Variants in MCC observed in about 807,000 individuals in gnomAD.
MCC encodes MCC regulator of Wnt signaling pathway.
Under a neutral mutation model 116.2 loss-of-function variants are expected in MCC, and 90 were observed. That is an observed-to-expected ratio of 0.77 (90% confidence interval 0.65 to 0.92). MCC has a LOEUF of 0.92. Among genes scored for constraint, MCC ranks in the 40% least tolerant of loss-of-function variants. MCC has a pLI of 0.00. For synonymous variants in MCC, 578 were observed against 510.5 expected (o/e 1.13, Z -1.78); for missense variants, 1,516 against 1,312.2 (o/e 1.16, Z -2.40).
At chr5:113,287,050 T>C (rs939760243) in intron 3 of MCC, among the ~76,000 whole-genome samples, 1 of 152,130 alleles carries the variant, frequency 6.6e-6, no homozygotes, top group Non-Finnish European at 1.5e-5. Flanking sequence ...GAGTGAAAGA[T>C]ATCACTGTTG....
At chr5:113,257,720 T>G (rs549381425) in intron 3 of MCC, among the ~76,000 whole-genome samples, 3 of 152,006 alleles carry the variant, frequency 2.0e-5, no homozygotes, top group Non-Finnish European at 4.4e-5. Context: ...GTGTGGGTGC[T>G]GGGATGTGGG....
chr5:113,149,114 T>C lies in MCC; in HGVS notation c.741+2195A>G, dbSNP rs7719597. ...AATTAAATGCATTCACAATTTTCTT[T>C]TTTAAAACAAATTCTCATCAATAAG... On this transcript the variant is annotated intron_variant, in intron 4 of 18. Transcript: ENST00000408903. 7.2e-3 allele frequency among the ~76,000 whole-genome samples: 1,099 copies of C among 152,326 alleles called. 18 individuals carry two copies. The highest frequency in any genetic ancestry group is 0.025 in the African/African-American group (1,049 of 41,578).
At chr5:113,445,561 G>A (rs745863475) in intron 1 of MCC, among the ~76,000 whole-genome samples, 18 of 151,976 alleles carry the variant, frequency 1.2e-4, no homozygotes, top group Non-Finnish European at 2.4e-4. Flanking sequence ...TCTCTACAAG[G>A]AGCACTATAA....
At chr5:113,471,528 GGA>G (rs1772090155) in intron 1 of MCC, among the ~76,000 whole-genome samples, 1 of 152,002 alleles carries the variant, frequency 6.6e-6, no homozygotes, top group African/African-American at 2.4e-5. Flanking sequence ...TCGTTCCTCT[GGA>G]AGTTTTGTCT....
intron 3 of MCC, among the ~76,000 whole-genome samples, chr5:113,237,856 A>C (rs983666354): frequency 6.6e-6 from 1 of 152,244 alleles, no homozygotes. Context: ...ACTGAAAAAC[A>C]ATCAGAGTCA....
intron 1 of MCC, among the ~76,000 whole-genome samples, chr5:113,396,243 A>C (rs1769522063): frequency 6.6e-6 from 1 of 152,146 alleles, no homozygotes; most frequent in Non-Finnish European, 1.5e-5. Context: ...TGAGAGGATC[A>C]TTTGAGCCCA....
At chr5:113,131,774 A>G (rs946696912) in intron 5 of MCC, among the ~76,000 whole-genome samples, 3 of 152,172 alleles carry the variant, frequency 2.0e-5, no homozygotes, top group African/African-American at 7.2e-5. Context: ...TCATCGGCAG[A>G]GTTAAAACTC....
chr5:113,238,090 C>T (rs770970902), intron 3 of MCC, among the ~76,000 whole-genome samples: 4 of 152,184 alleles, frequency 2.6e-5, no homozygotes, highest in African/African-American at 9.7e-5. Context: ...GCAGCTATAT[C>T]TGGCTTCCCT....
chr5:113,205,782 AG>A (rs1416470666), intron 3 of MCC, among the ~76,000 whole-genome samples: 1 of 152,148 alleles, frequency 6.6e-6, no homozygotes, highest in Admixed American at 6.5e-5. Flanking sequence ...CGAAACCATG[AG>A]GGGTGGCATG....
chr5:113,266,171 C>T (rs1201423528), intron 3 of MCC, among the ~76,000 whole-genome samples: 3 of 151,958 alleles, frequency 2.0e-5, no homozygotes, highest in African/African-American at 7.3e-5. Flanking sequence ...TTATTTTGGT[C>T]CTGGCTGGAG....
chr5:113,099,443 G>A (rs187205140), intron 8 of MCC, among the ~76,000 whole-genome samples: 5 of 152,296 alleles, frequency 3.3e-5, no homozygotes, highest in East Asian at 1.9e-4. Context: ...TCAACTTTCC[G>A]TATCACTCGA....
rs1413014935 is a variant in MCC at position 113,049,292 on chromosome 5, A to G, written c.2456T>C (p.Met819Thr). 3 of 1,590,334 alleles carry G rather than the reference A, an allele frequency of 1.9e-6. No individual in the cohort carries two copies. The highest frequency in any genetic ancestry group is 4.6e-5 in the East Asian group (2 of 43,716). ...MQELMAMKEE[M>T]AELKAQLYLL... Reference sequence around the variant, plus strand: ...GTAGAGCTGGGCCTTCAACTCGGCCATCTCCTCCTACAGACAAAGGAGCAC... The same window carrying G: ...GTAGAGCTGGGCCTTCAACTCGGCCGTCTCCTCCTACAGACAAAGGAGCAC... Residue 819 changes from methionine (M) to threonine (T), a missense_variant, in exon 16 of 19, where the codon ATG (methionine) becomes ACG (threonine). Met to Thr is a moderately conservative substitution (Grantham distance 81, BLOSUM62 -1). Coordinates refer to ENST00000408903, the MANE Select transcript of MCC (RefSeq NM_001085377.2).
At chr5:113,139,041 C>G (rs1240999725) in intron 5 of MCC, among the ~76,000 whole-genome samples, 2 of 152,084 alleles carry the variant, frequency 1.3e-5, no homozygotes, top group Non-Finnish European at 2.9e-5. Flanking sequence ...GTAGGCTGCC[C>G]ATTTATATCA....
At chr5:113,262,650 G>T (rs772085325) in intron 3 of MCC, among the ~76,000 whole-genome samples, 5 of 152,122 alleles carry the variant, frequency 3.3e-5, no homozygotes, top group East Asian at 1.9e-4. Context: ...CTAGTCCCCA[G>T]TTAGCTTCTA....
intron 4 of MCC, among the ~76,000 whole-genome samples, chr5:113,150,846 G>C (rs142385258): frequency 6.6e-6 from 1 of 152,282 alleles, no homozygotes; most frequent in African/African-American, 2.4e-5. Context: ...AGGATCACTT[G>C]AGCTCAGGAG....
chr5:113,462,794 A>G (rs1286469578), intron 1 of MCC, among the ~76,000 whole-genome samples: 1 of 152,246 alleles, frequency 6.6e-6, no homozygotes, highest in East Asian at 1.9e-4. Context: ...ACAAATATTT[A>G]CTGAATAGTA....
rs17325699 is a variant in MCC at position 113,288,951 on chromosome 5, A to C, written c.627+51568T>G. Among the ~76,000 whole-genome samples, 470 of 152,340 alleles carry C rather than the reference A, an allele frequency of 3.1e-3. 1 individual carries two copies. The highest frequency in any genetic ancestry group is 0.024 in the Middle Eastern group (7 of 294). Reference sequence around the variant, plus strand: ...GGGAAGTGCTTAGAAAATGTGATTCAGAGTTATTACAAACCACAAAATGAA... The same window carrying C: ...GGGAAGTGCTTAGAAAATGTGATTCCGAGTTATTACAAACCACAAAATGAA... On this transcript the variant is annotated intron_variant, in intron 3 of 18. Coordinates refer to ENST00000408903, the MANE Select transcript of MCC (RefSeq NM_001085377.2).
chr5:113,424,740 TAGAA>T (rs984716238), intron 1 of MCC, among the ~76,000 whole-genome samples: 7 of 151,820 alleles, frequency 4.6e-5, no homozygotes, highest in African/African-American at 1.7e-4. Context: ...ATTAAAAAAT[TAGAA>T]AGCACACCCA....
intron 1 of MCC, among the ~76,000 whole-genome samples, chr5:113,386,446 G>C (rs542254508): frequency 7.8e-4 from 118 of 151,958 alleles, no homozygotes; most frequent in African/African-American, 2.7e-3. Context: ...CCCTAATTCT[G>C]TGCCCTGCAC....
Sources: gnomAD v4.1 joint callset for allele counts (sites outside exome capture counted in the v4.1 genomes callset) on GRCh38, gnomAD v4.1.1 for gene constraint, MANE v1.5 for transcripts, NCBI Gene and HGNC (gene_info 2026-07-23, HGNC 2026-07-21) for gene names.